AIG1: variants seen among roughly 807,000 people sequenced by gnomAD.
AIG1 encodes the protein androgen-induced gene 1 protein.
Under a neutral mutation model 31.4 loss-of-function variants are expected in AIG1, and 23 were observed. The observed-to-expected ratio is 0.73, with a 90% confidence interval of 0.53 to 1.04. The LOEUF is 1.04. Among genes scored for constraint, AIG1 ranks in the 50% least tolerant of loss-of-function variants. AIG1 has a pLI of 0.00. For missense variants in AIG1, 274 were observed against 295.0 expected (o/e 0.93, Z 0.52); for synonymous variants, 100 against 110.5 (o/e 0.90, Z 0.60).
chr6:143,069,455 A>C (rs565198030), intron 1 of AIG1, among the ~76,000 whole-genome samples: 19 of 152,336 alleles, frequency 1.2e-4, no homozygotes, highest in African/African-American at 4.6e-4. Flanking sequence ...TGAGAGCTCC[A>C]CAGATGGGAA....
intron 4 of AIG1, among the ~76,000 whole-genome samples, chr6:143,319,946 G>T (rs1776070143): frequency 6.6e-6 from 1 of 152,062 alleles, no homozygotes; most frequent in Admixed American, 6.6e-5. Flanking sequence ...TGGCATGGGA[G>T]AAAGTATTTG....
At chr6:143,194,105 A>G (rs182877674) in intron 3 of AIG1, among the ~76,000 whole-genome samples, 52 of 152,342 alleles carry the variant, frequency 3.4e-4, no homozygotes, top group Admixed American at 2.6e-3. Flanking sequence ...CCACTCTCAC[A>G]CTGCTATAAA....
At chr6:143,118,676 A>C (rs1218374213) in intron 1 of AIG1, among the ~76,000 whole-genome samples, 1 of 152,196 alleles carries the variant, frequency 6.6e-6, no homozygotes, top group African/African-American at 2.4e-5. Context: ...ATCAACAGGA[A>C]TTAGCTTAGC....
intron 3 of AIG1, among the ~76,000 whole-genome samples, chr6:143,169,880 C>T (rs1787327210): frequency 6.6e-6 from 1 of 151,962 alleles, no homozygotes; most frequent in Non-Finnish European, 1.5e-5. Flanking sequence ...TTTTGTTCTT[C>T]ATTTTGTTTA....
intron 1 of AIG1, among the ~76,000 whole-genome samples, chr6:143,126,974 T>C (rs1321580343): frequency 2.0e-5 from 3 of 152,158 alleles, no homozygotes; most frequent in African/African-American, 7.2e-5. Context: ...ATAGATACTA[T>C]AGTCCCAAGT....
rs1472680936 is a variant in AIG1 at position 143,325,675 on chromosome 6, T to C, written c.516-7607T>C. 6.6e-6 allele frequency among the ~76,000 whole-genome samples: 1 copy of C among 152,244 alleles called. No individual in the cohort carries two copies. The highest frequency in any genetic ancestry group is 1.5e-5 in the Non-Finnish European group (1 of 68,046). Reference sequence around the variant, plus strand: ...CACCATGTTGTCTTAACTATATTTGTTAAATCAGTGCCTGTCAAATTTCTT... The same window carrying C: ...CACCATGTTGTCTTAACTATATTTGCTAAATCAGTGCCTGTCAAATTTCTT... On this transcript the variant is annotated intron_variant, in intron 4 of 5. Transcript: ENST00000357847. This position sits in a 1 kb window ranked among gnomAD's most constrained non-coding sequence, Gnocchi z 4.3.
chr6:143,327,363 T>G lies in AIG1; in HGVS notation c.516-5919T>G. On this transcript the variant is annotated intron_variant, in intron 4 of 5. Transcript: ENST00000357847. The surrounding 1 kb of genome is among the most constrained non-coding windows in gnomAD (Gnocchi z 5.3). ...CCTCGTTGATGATACACCATCAACATTCACAAGCGCGTCCATGGAGTGGGC... is the reference window on the plus strand; with the variant it reads ...CCTCGTTGATGATACACCATCAACAGTCACAAGCGCGTCCATGGAGTGGGC... 1 of 275,850 alleles carries G rather than the reference T, an allele frequency of 3.6e-6. No homozygotes were observed. The highest frequency in any genetic ancestry group is 7.1e-6 in the Non-Finnish European group (1 of 141,754). The allele number at this position is 275,850 out of a possible 1,614,324, so 17.1% of individuals were successfully genotyped here.
intron 1 of AIG1, chr6:143,061,269 C>A: frequency 1.4e-6 from 1 of 713,484 alleles, no homozygotes; most frequent in Non-Finnish European, 2.6e-6. Context: ...AACCACTCAC[C>A]GTTACCTGGT....
rs537259236 is a variant in AIG1 at position 143,248,793 on chromosome 6, A to C, written c.400-35317A>C. The stretch of plus-strand genomic sequence containing the variant: ...CTTCATCAGAATCTCAGAGTAAGGC[A>C]TGAGCAACCATATTTTTAAAAGTCC... On this transcript the variant is annotated intron_variant, in intron 3 of 5. Transcript: ENST00000357847. Among the ~76,000 whole-genome samples the C allele has an allele frequency of 8.7e-4, 132 of 152,344 alleles. 1 individual carries two copies. Among genetic ancestry groups the C allele is most frequent in the African/African-American group, 3.2e-3 (131 of 41,586 alleles).
intron 1 of AIG1, among the ~76,000 whole-genome samples, chr6:143,075,259 TC>T (rs1428824577): frequency 6.6e-6 from 1 of 152,186 alleles, no homozygotes; most frequent in Non-Finnish European, 1.5e-5. Flanking sequence ...TTGATTTTTT[TC>T]GTCTATTTTT....
At chr6:143,323,228 G>A (rs1200758200) in intron 4 of AIG1, among the ~76,000 whole-genome samples, 1 of 152,106 alleles carries the variant, frequency 6.6e-6, no homozygotes, top group Non-Finnish European at 1.5e-5. Flanking sequence ...AAAATGCAGA[G>A]CCCCTTGTTC....
intron 3 of AIG1, among the ~76,000 whole-genome samples, chr6:143,222,270 C>G (rs1013239273): frequency 2.0e-5 from 3 of 152,134 alleles, no homozygotes; most frequent in African/African-American, 7.2e-5. Flanking sequence ...AAGGACCCTC[C>G]AGGACTCCCT....
At chr6:143,171,422 A>AATATATATAATATATATATAATAT in intron 3 of AIG1, among the ~76,000 whole-genome samples, 1 of 106,568 alleles carries the variant, frequency 9.4e-6, no homozygotes, top group Admixed American at 1.2e-4. Flanking sequence ...ATATATATAT[A>AATATATATAATATATATATAATAT]ATATATATAA....
At chr6:143,120,906 G>A (rs1562396575) in intron 1 of AIG1, among the ~76,000 whole-genome samples, 3 of 152,296 alleles carry the variant, frequency 2.0e-5, no homozygotes, top group African/African-American at 7.2e-5. Context: ...TGAGGGCAAG[G>A]AACACCTGGC....
intron 4 of AIG1, among the ~76,000 whole-genome samples, chr6:143,289,653 G>A (rs1311491215): frequency 6.6e-6 from 1 of 152,082 alleles, no homozygotes; most frequent in Non-Finnish European, 1.5e-5. Flanking sequence ...GGCAATTTTG[G>A]ATGATTTTTT....
chr6:143,209,523 A>T (rs1270984756), intron 3 of AIG1, among the ~76,000 whole-genome samples: 1 of 152,182 alleles, frequency 6.6e-6, no homozygotes, highest in Non-Finnish European at 1.5e-5. Context: ...TGTAAAAAAA[A>T]CTTCACTGGC....
intron 1 of AIG1, among the ~76,000 whole-genome samples, chr6:143,108,324 A>G (rs986262111): frequency 6.6e-6 from 1 of 152,210 alleles, no homozygotes; most frequent in African/African-American, 2.4e-5. Context: ...AAGAAAAATT[A>G]CTCAATGTAA....
At chr6:143,172,317 G>A (rs1787714582) in intron 3 of AIG1, among the ~76,000 whole-genome samples, 1 of 152,162 alleles carries the variant, frequency 6.6e-6, no homozygotes, top group African/African-American at 2.4e-5. Context: ...GCTCCAATGA[G>A]ATGATCATGT....
At chr6:143,252,217 T>C (rs1264143064) in intron 3 of AIG1, among the ~76,000 whole-genome samples, 3 of 152,208 alleles carry the variant, frequency 2.0e-5, no homozygotes, top group African/African-American at 7.2e-5. Flanking sequence ...CCTCCCATGT[T>C]CAAGCGATTC....
Sources: gnomAD v4.1 joint callset for allele counts (sites outside exome capture counted in the v4.1 genomes callset) on GRCh38, gnomAD v4.1.1 for gene constraint, Gnocchi (gnomAD v3.1) non-coding constraint, MANE v1.5 for transcripts, NCBI Gene and HGNC (gene_info 2026-07-23, HGNC 2026-07-21) for gene names.